The following WNK1 variants were observed in gnomAD, a reference collection of about 807,000 sequenced individuals.
The protein encoded by WNK1 is serine/threonine-protein kinase WNK1.
Under a neutral mutation model 222.8 loss-of-function variants are expected in WNK1, and 38 were observed. The observed-to-expected ratio is 0.17, with a 90% CI of 0.13 to 0.22. The LOEUF is 0.22. WNK1 is among the 10% of genes least tolerant of loss of function. WNK1 has a pLI of 1.00. For synonymous variants in WNK1, 1,090 were observed against 1,092.9 expected, an observed-to-expected ratio of 1.00 and a Z score of 0.05; for missense variants, 2,348 against 2,918.4, an observed-to-expected ratio of 0.80 and a Z score of 4.50.
intron 5 of WNK1, among the ~76,000 whole-genome samples, chr12:858,625 G>A (rs1418309272): frequency 6.6e-6 from 1 of 152,116 alleles, no homozygotes; most frequent in African/African-American, 2.4e-5. Flanking sequence ...GAACTTACTG[G>A]TGTAAATAAA....
chr12:813,042 A>G (rs956237884), intron 1 of WNK1, among the ~76,000 whole-genome samples: 37 of 152,130 alleles, frequency 2.4e-4, no homozygotes, highest in African/African-American at 8.4e-4. Flanking sequence ...AAGACCAGCC[A>G]GTGCATCATA....
At chr12:807,402 T>C (rs1356407377) in intron 1 of WNK1, among the ~76,000 whole-genome samples, 1 of 151,990 alleles carries the variant, frequency 6.6e-6, no homozygotes, top group Non-Finnish European at 1.5e-5. Context: ...TTTGTTTTTA[T>C]GTACTGGGCT....
chr12:865,978 A>G (rs1178335921), intron 8 of WNK1, among the ~76,000 whole-genome samples: 1 of 152,196 alleles, frequency 6.6e-6, no homozygotes, highest in African/African-American at 2.4e-5. Context: ...TGAATGCATT[A>G]GATGCATATA....
intron 1 of WNK1, among the ~76,000 whole-genome samples, chr12:795,155 G>A (rs1945187106): frequency 6.6e-6 from 1 of 152,126 alleles, no homozygotes; most frequent in Non-Finnish European, 1.5e-5. Context: ...AAGAATTTGT[G>A]AATAATTGAT....
intron 3 of WNK1, among the ~76,000 whole-genome samples, chr12:828,093 T>C (rs767936089): frequency 9.3e-5 from 14 of 150,000 alleles, no homozygotes; most frequent in Non-Finnish European, 1.6e-4. Flanking sequence ...AGGTCAGGAG[T>C]TTGAGACCAG....
chr12:838,128 T>C (rs1301584653), intron 4 of WNK1, among the ~76,000 whole-genome samples: 3 of 151,772 alleles, frequency 2.0e-5, no homozygotes, highest in Non-Finnish European at 4.4e-5. Context: ...AACACAATTG[T>C]TTAGCCATTT....
chr12:787,401 G>A (rs1565430028), intron 1 of WNK1, among the ~76,000 whole-genome samples: 1 of 152,158 alleles, frequency 6.6e-6, no homozygotes, highest in Non-Finnish European at 1.5e-5. Context: ...TCAGGCGTGA[G>A]CCACCAAGCC....
intron 1 of WNK1, among the ~76,000 whole-genome samples, chr12:800,340 G>A (rs1031569683): frequency 1.3e-5 from 2 of 151,990 alleles, no homozygotes; most frequent in African/African-American, 4.8e-5. Flanking sequence ...TTATTTGGCA[G>A]TGAGTTTATA....
chr12:883,673 C>G, intron 16 of WNK1, 101 bp from the exon 17 acceptor site: 1 of 1,594,256 alleles, frequency 6.3e-7, no homozygotes, highest in African/African-American at 1.3e-5. Context: ...CACCCATGAC[C>G]GACAACAAAC....
In WNK1 at chr12:753,301, C is replaced by A. The variant is rs1939470708; in HGVS notation, c.-265C>A. 2 of 539,384 alleles carry A rather than the reference C, an allele frequency of 3.7e-6. No homozygotes were observed. The highest frequency in any genetic ancestry group is 6.6e-6 in the Non-Finnish European group (2 of 304,364). 33.4% of individuals were successfully genotyped at this position (539,384 alleles called of 1,614,324 possible). A position where few individuals can be genotyped will look rare whatever the true frequency, so the allele number is the denominator to read the frequency against. On this transcript the variant is annotated 5_prime_UTR_variant, in exon 1 of 28. Transcript: ENST00000315939. The surrounding 1 kb of genome is among the most constrained non-coding windows in gnomAD (Gnocchi z 5.2). ...ATGGATGCGGACCGTGCGGCGCTAA[C>A]CCCCGTGGCTCAGCTCCCGAATCGC...
intron 6 of WNK1, 36 bp from the exon 7 acceptor site, chr12:860,977 A>G (rs201408585): frequency 7.4e-5 from 118 of 1,602,072 alleles, no homozygotes; most frequent in African/African-American, 1.1e-4. Flanking sequence ...TTTTCTTTCA[A>G]TATACTACTG....
In WNK1 at chr12:853,903, C is replaced by T. The variant is rs116565589; in HGVS notation, c.1312-3258C>T. On this transcript the variant is annotated intron_variant, in intron 4 of 27. Coordinates refer to ENST00000315939, the MANE Select transcript of WNK1 (RefSeq NM_018979.4). ...TAGGTGGACCTACAGGCGTATGTGCCGCCACACCCCACTAGTTTTTTGTCT... is the reference window on the plus strand; with the variant it reads ...TAGGTGGACCTACAGGCGTATGTGCTGCCACACCCCACTAGTTTTTTGTCT... Among the ~76,000 whole-genome samples, 1,353 of 152,030 alleles carry T rather than the reference C, an allele frequency of 8.9e-3. 30 individuals carry two copies. The highest frequency in any genetic ancestry group is 0.031 in the African/African-American group (1,268 of 41,502).
At position 842,081 on chromosome 12, in the gene WNK1, C is replaced by T. The variant is rs138608981; in HGVS notation, c.1311+11921C>T. Among the ~76,000 whole-genome samples the T allele has an allele frequency of 3.3e-5, 5 of 152,244 alleles. No homozygotes were observed. In the East Asian group the frequency reaches 9.6e-4, roughly 29 times the overall value. On this transcript the variant is annotated intron_variant, in intron 4 of 27. Coordinates refer to ENST00000315939, the MANE Select transcript of WNK1 (RefSeq NM_018979.4). Reference sequence around the variant, plus strand: ...CATTGTGCACAGCACACCGTAGGCACTCATTAATATTTTGAAGAATAAATG... The same window carrying T: ...CATTGTGCACAGCACACCGTAGGCATTCATTAATATTTTGAAGAATAAATG...
intron 6 of WNK1, among the ~76,000 whole-genome samples, chr12:860,283 C>T (rs1020144968): frequency 6.6e-6 from 1 of 152,114 alleles, no homozygotes; most frequent in Admixed American, 6.6e-5. Flanking sequence ...GAGAGTTTTC[C>T]TGATCAAATA....
At chr12:868,929 C>G (rs952673922) in intron 8 of WNK1, 1 of 1,593,268 alleles carries the variant, frequency 6.3e-7, no homozygotes, top group Non-Finnish European at 8.6e-7. Flanking sequence ...CAGTCACCTC[C>G]CCCTACAGGG....
At chr12:906,148 G>A (rs1217235640) in intron 26 of WNK1, among the ~76,000 whole-genome samples, 3 of 152,102 alleles carry the variant, frequency 2.0e-5, no homozygotes, top group African/African-American at 4.8e-5. Context: ...ACTTACCCCC[G>A]CATTACTTGG....
chr12:772,167 G>A (rs1037924954), intron 1 of WNK1, among the ~76,000 whole-genome samples: 3 of 152,050 alleles, frequency 2.0e-5, no homozygotes, highest in African/African-American at 7.2e-5. Context: ...ATTAGAGGAG[G>A]AAAAAGGAAA....
intron 24 of WNK1, among the ~76,000 whole-genome samples, 166 bp downstream of exon 24, chr12:896,898 A>T (rs1463933600): frequency 2.5e-4 from 1 of 4,052 alleles, no homozygotes; most frequent in African/African-American, 6.0e-4. Context: ...ACACACACAC[A>T]CACACACACA....
chr12:861,763 T>C (rs935677424), intron 7 of WNK1, among the ~76,000 whole-genome samples: 21 of 152,208 alleles, frequency 1.4e-4, no homozygotes, highest in Non-Finnish European at 2.6e-4. Context: ...ATTAATTTAA[T>C]TACTTGTTTA....
Sources: gnomAD v4.1 joint callset for allele counts (sites outside exome capture counted in the v4.1 genomes callset) on GRCh38, gnomAD v4.1.1 for gene constraint, Gnocchi (gnomAD v3.1) non-coding constraint, MANE v1.5 for transcripts, NCBI Gene and HGNC (gene_info 2026-07-23, HGNC 2026-07-21) for gene names.